TSPAN18: variants seen among roughly 807,000 people sequenced by gnomAD.
TSPAN18 encodes the protein tetraspanin-18.
In TSPAN18, 14 loss-of-function variants were observed where a neutral mutation model predicts 27.3. The ratio of observed to expected loss-of-function variants is 0.51; its 90% CI spans 0.34 to 0.80. The LOEUF (loss-of-function observed/expected upper bound fraction) is 0.80. TSPAN18 is among the 30% of genes least tolerant of loss of function. The probability of loss-of-function intolerance (pLI) is 0.01; values close to 1 mark genes in which losing one functional copy is unlikely to be tolerated. For synonymous variants in TSPAN18, 143 were observed against 136.5 expected, an observed-to-expected ratio of 1.05 and a Z score of -0.33; for missense variants, 268 against 323.9, an observed-to-expected ratio of 0.83 and a Z score of 1.32.
intron 2 of TSPAN18, among the ~76,000 whole-genome samples, chr11:44,779,496 C>A (rs186539089): frequency 2.5e-3 from 378 of 152,190 alleles, no homozygotes; most frequent in African/African-American, 8.9e-3. Flanking sequence ...AGGCTGGGAG[C>A]CTTTGAGATT....
chr11:44,737,414 C>T (rs966752539), intron 1 of TSPAN18, among the ~76,000 whole-genome samples: 5 of 152,122 alleles, frequency 3.3e-5, no homozygotes, highest in Non-Finnish European at 7.4e-5. Context: ...CCACCAGAGG[C>T]ACTCCCTGAC....
intron 2 of TSPAN18, among the ~76,000 whole-genome samples, chr11:44,817,028 G>T (rs566546225): frequency 1.8e-3 from 280 of 152,362 alleles, no homozygotes; most frequent in Non-Finnish European, 3.4e-3. Flanking sequence ...GCGAGGTGGG[G>T]CCACTTGAAT....
intron 2 of TSPAN18, among the ~76,000 whole-genome samples, chr11:44,839,545 C>T (rs1365028356): frequency 1.3e-5 from 2 of 152,130 alleles, no homozygotes; most frequent in African/African-American, 2.4e-5. Flanking sequence ...AACTCCTCTG[C>T]CATTCTTTCC....
At chr11:44,870,006 CA>C (rs11292100) in intron 3 of TSPAN18, among the ~76,000 whole-genome samples, 151,692 of 152,362 alleles carry the variant, frequency 1, 75,518 homozygotes, top group Middle Eastern at 1. Flanking sequence ...ACACTTCCCC[CA>C]AGGGCATGGG....
chr11:44,874,978 A>G (rs1368219517), intron 3 of TSPAN18, among the ~76,000 whole-genome samples: 1 of 152,204 alleles, frequency 6.6e-6, no homozygotes, highest in Admixed American at 6.5e-5. Context: ...CCAAGTGAGA[A>G]TCAGCATTAA....
chr11:44,747,987 G>A (rs539795199), intron 1 of TSPAN18, among the ~76,000 whole-genome samples: 21 of 152,298 alleles, frequency 1.4e-4, no homozygotes, highest in African/African-American at 4.8e-4. Flanking sequence ...AGAAGACTTC[G>A]GTTCTCTCTC....
At chr11:44,751,224 C>T (rs1421201426) in intron 1 of TSPAN18, among the ~76,000 whole-genome samples, 1 of 152,166 alleles carries the variant, frequency 6.6e-6, no homozygotes, top group Non-Finnish European at 1.5e-5. Context: ...GAGGCTCGTG[C>T]TTGGCTCCCT....
At chr11:44,844,765 T>G (rs1311435862) in intron 2 of TSPAN18, among the ~76,000 whole-genome samples, 1 of 152,218 alleles carries the variant, frequency 6.6e-6, no homozygotes, top group East Asian at 1.9e-4. Flanking sequence ...TGCAAATACT[T>G]TTCCCAGTCT....
At chr11:44,813,966 T>C (rs1447857744) in intron 2 of TSPAN18, among the ~76,000 whole-genome samples, 1 of 152,230 alleles carries the variant, frequency 6.6e-6, no homozygotes, top group Non-Finnish European at 1.5e-5. Context: ...GCCTTGGAGA[T>C]AGATCCTTCA....
intron 4 of TSPAN18, among the ~76,000 whole-genome samples, chr11:44,907,492 A>G (rs1367168102): frequency 6.6e-6 from 1 of 152,130 alleles, no homozygotes; most frequent in Admixed American, 6.5e-5. Context: ...TTTAAAAAAT[A>G]TACACTTCAG....
At position 44,826,908 on chromosome 11, in the gene TSPAN18, C is replaced by T. The variant is rs554894849; in HGVS notation, c.-152-33420C>T. On this transcript the variant is annotated intron_variant, in intron 2 of 9. Transcript: ENST00000520358. ...TTTATACACTTTTTGCCCTCCCTGA[C>T]CTGTTGGTGCCTGTGCCCAGCTTAC... Among the ~76,000 whole-genome samples the T allele has an allele frequency of 2.6e-5, 4 of 152,260 alleles. No individual in the cohort carries two copies. The East Asian group carries it at 7.7e-4, about 29-fold the overall frequency.
intron 3 of TSPAN18, among the ~76,000 whole-genome samples, chr11:44,879,709 G>T (rs547325023): frequency 1.2e-4 from 19 of 152,372 alleles, no homozygotes; most frequent in African/African-American, 4.6e-4. Flanking sequence ...TGAGGGCCTT[G>T]TAAGCTGTTG....
intron 3 of TSPAN18, among the ~76,000 whole-genome samples, chr11:44,869,584 C>T (rs1158078267): frequency 2.6e-5 from 4 of 152,220 alleles, no homozygotes; most frequent in Admixed American, 6.5e-5. Flanking sequence ...CTCCCTGGCA[C>T]GTAGCTGATG....
intron 3 of TSPAN18, among the ~76,000 whole-genome samples, chr11:44,895,758 T>G (rs77240527): frequency 0.032 from 4,836 of 152,236 alleles, 98 homozygotes; most frequent in African/African-American, 0.061. Context: ...TCATCCATGT[T>G]TCTCATATCA....
chr11:44,867,075 T>G (rs946548954), intron 3 of TSPAN18, among the ~76,000 whole-genome samples: 2 of 152,184 alleles, frequency 1.3e-5, no homozygotes, highest in Non-Finnish European at 2.9e-5. Context: ...AACCTCAAGT[T>G]GCTCAGGGTT....
intron 8 of TSPAN18, among the ~76,000 whole-genome samples, chr11:44,924,811 G>A (rs984531669): frequency 6.6e-6 from 1 of 152,230 alleles, no homozygotes; most frequent in Non-Finnish European, 1.5e-5. Flanking sequence ...GTTAATGGGT[G>A]CAGCACACCA....
intron 3 of TSPAN18, among the ~76,000 whole-genome samples, chr11:44,875,119 C>G (rs1023680562): frequency 6.6e-6 from 1 of 152,210 alleles, no homozygotes; most frequent in Non-Finnish European, 1.5e-5. Flanking sequence ...ACATTCTCCC[C>G]CGTGGGGCCC....
At chr11:44,743,740 T>C (rs1409766790) in intron 1 of TSPAN18, among the ~76,000 whole-genome samples, 2 of 152,120 alleles carry the variant, frequency 1.3e-5, no homozygotes, top group African/African-American at 2.4e-5. Context: ...GTTGCTGGAG[T>C]CCTGCCTTAC....
At chr11:44,732,410 T>C (rs1217804345) in intron 1 of TSPAN18, among the ~76,000 whole-genome samples, 2 of 152,182 alleles carry the variant, frequency 1.3e-5, no homozygotes, top group Admixed American at 6.5e-5. Context: ...AGTGGTGGGA[T>C]TGAGATTTGA....
Sources: allele counts gnomAD v4.1 joint callset (sites outside exome capture counted in the v4.1 genomes callset), GRCh38; gene constraint gnomAD v4.1.1; transcripts MANE v1.5; gene names NCBI Gene and HGNC (gene_info 2026-07-23, HGNC 2026-07-21).